Variants in ACOT1 observed in about 807,000 individuals in gnomAD.
ACOT1 encodes acyl-CoA thioesterase 1, also known as acyl-coenzyme A thioesterase 1.
In ACOT1, 8 loss-of-function variants were observed where a neutral mutation model predicts 15.7. The observed-to-expected ratio is 0.51, with a 90% confidence interval of 0.30 to 0.92. The LOEUF (loss-of-function observed/expected upper bound fraction) is 0.92. Ranked by LOEUF, ACOT1 falls within the 40% of genes least tolerant of loss-of-function variation. The probability of loss-of-function intolerance (pLI) is 0.06; values close to 1 mark genes in which losing one functional copy is unlikely to be tolerated. For missense variants in ACOT1, 151 were observed against 539.4 expected (o/e 0.28, Z 7.13); for synonymous variants, 67 against 241.2 (o/e 0.28, Z 6.69).
At chr14:73,495,736 T>G in the ACOT1 span, among the ~76,000 whole-genome samples, 6 of 152,278 alleles carry the variant, frequency 3.9e-5, no homozygotes, top group African/African-American at 7.2e-5. Flanking sequence ...ATGAACCTGC[T>G]AAGAATTGCT....
chr14:73,521,652 AT>A, the ACOT1 span, among the ~76,000 whole-genome samples: 5 of 152,210 alleles, frequency 3.3e-5, no homozygotes, highest in Admixed American at 6.5e-5. Context: ...CTAGCTATAA[AT>A]GAGATAGAAG....
chr14:73,522,744 T>C, the ACOT1 span: 1 of 1,614,208 alleles, frequency 6.2e-7, no homozygotes, highest in Non-Finnish European at 8.5e-7. Context: ...CTTTCTGTCT[T>C]CACAGCCAGG....
intron 1 of ACOT1, 91 bp downstream of exon 1, chr14:73,537,969 C>G (rs1443611079): frequency 9.9e-7 from 1 of 1,005,778 alleles, no homozygotes; most frequent in Admixed American, 4.9e-5. Flanking sequence ...CGCCCCGCCC[C>G]GCTCTTTTCG....
chr14:73,491,038 T>C, the ACOT1 span: 7 of 1,583,664 alleles, frequency 4.4e-6, no homozygotes, highest in Non-Finnish European at 6.0e-6. Flanking sequence ...TCCAGGCCAG[T>C]GCAGGGCCGT....
the ACOT1 span, among the ~76,000 whole-genome samples, chr14:73,531,760 C>A: frequency 8.8e-6 from 1 of 113,242 alleles, no homozygotes; most frequent in East Asian, 7.2e-4. Flanking sequence ...ATGGCTGACA[C>A]CTGTAATCCC....
At chr14:73,507,970 TC>T in the ACOT1 span, among the ~76,000 whole-genome samples, 2 of 152,330 alleles carry the variant, frequency 1.3e-5, no homozygotes, top group African/African-American at 4.8e-5. Context: ...GGTCTCGAAC[TC>T]CTGACCTCAA....
chr14:73,509,564 C>T, the ACOT1 span: 4 of 1,306,544 alleles, frequency 3.1e-6, no homozygotes, highest in South Asian at 5.0e-5. Flanking sequence ...TGGCCAACCT[C>T]AGTCCCAGCT....
At chr14:73,493,239 C>A in the ACOT1 span, 1 of 799,272 alleles carries the variant, frequency 1.3e-6, no homozygotes, top group Non-Finnish European at 2.1e-6. Flanking sequence ...GTAACACTGA[C>A]CATGTCGTTC....
At chr14:73,497,457 C>A in the ACOT1 span, among the ~76,000 whole-genome samples, 2 of 152,196 alleles carry the variant, frequency 1.3e-5, no homozygotes, top group African/African-American at 4.8e-5. Flanking sequence ...CTATCACCTG[C>A]ATTTGATACA....
chr14:73,535,016 G>A (rs1391297347), upstream of ACOT1, among the ~76,000 whole-genome samples: 4 of 113,342 alleles, frequency 3.5e-5, 2 homozygotes, highest in Non-Finnish European at 7.6e-5. Flanking sequence ...TATTTATACT[G>A]TTCTCTAACC....
chr14:73,494,608 T>G, the ACOT1 span, among the ~76,000 whole-genome samples: 129 of 152,274 alleles, frequency 8.5e-4, no homozygotes, highest in South Asian at 2.9e-3. Context: ...TGGGGTACAG[T>G]GGTGAGATAT....
the ACOT1 span, among the ~76,000 whole-genome samples, chr14:73,530,794 ATTTTTTTTT>A: frequency 3.5e-5 from 2 of 57,770 alleles, no homozygotes; most frequent in African/African-American, 6.7e-5. Flanking sequence ...TCTCGGTTAA[ATTTTTTTTT>A]TTTTTTTTTT....
chr14:73,499,207 G>A, the ACOT1 span: 1 of 1,362,994 alleles, frequency 7.3e-7, no homozygotes, highest in South Asian at 1.2e-5. Context: ...ACAGCTGGGT[G>A]CGGTGGTGCA....
the ACOT1 span, among the ~76,000 whole-genome samples, chr14:73,518,220 A>C: frequency 6.6e-6 from 1 of 152,260 alleles, no homozygotes; most frequent in East Asian, 1.9e-4. Context: ...TGCCAAGTGG[A>C]TGCAAAGGCA....
the ACOT1 span, chr14:73,514,024 C>T: frequency 6.2e-7 from 1 of 1,613,846 alleles, no homozygotes; most frequent in South Asian, 1.1e-5. Flanking sequence ...GACCTCCCTT[C>T]ACTCACTCAG....
chr14:73,499,335 G>C, the ACOT1 span, among the ~76,000 whole-genome samples: 1 of 152,116 alleles, frequency 6.6e-6, no homozygotes, highest in Non-Finnish European at 1.5e-5. Flanking sequence ...ACAAAAATTA[G>C]CCGGGCATGG....
the ACOT1 span, chr14:73,492,449 A>G: frequency 1.9e-6 from 3 of 1,613,736 alleles, no homozygotes; most frequent in Non-Finnish European, 1.7e-6. This position sits in a 1 kb window ranked among gnomAD's most constrained non-coding sequence, Gnocchi z 4.9. Flanking sequence ...AACCGCTTTC[A>G]TGGAGAAGGT....
chr14:73,504,932 T>C, the ACOT1 span, among the ~76,000 whole-genome samples: 2 of 152,058 alleles, frequency 1.3e-5, no homozygotes, highest in South Asian at 4.2e-4. Context: ...TCACCGACAG[T>C]TGGTTTGTTT....
At position 73,543,651 on chromosome 14, in the gene ACOT1, T is replaced by G. The variant is rs1889181325; in HGVS notation, c.1262T>G (p.Val421Gly). 1 of 759,056 alleles carries G rather than the reference T, an allele frequency of 1.3e-6. No homozygotes were observed. Among genetic ancestry groups the G allele is most frequent in the Non-Finnish European group, 1.9e-6 (1 of 536,276 alleles). The allele number at this position is 759,056 out of a possible 1,614,324, so 47.0% of individuals were successfully genotyped here. The part of the protein sequence containing the change: ...GGHEGTIPSK[V>G] ...CACGAGGGGACAATCCCATCAAAAG[T>G]GTAAATTTTATTTGATCATGTGGCC... is the stretch of plus-strand genomic sequence containing the variant. The change falls in exon 3 of 3, where the codon GTG becomes GGG. Residue 421 changes from valine (V) to glycine (G), a missense_variant. Val to Gly is a moderately radical substitution (Grantham distance 109). Coordinates refer to ENST00000311148, the MANE Select transcript of ACOT1 (RefSeq NM_001037161.2).
Sources: gnomAD v4.1 joint callset for allele counts (sites outside exome capture counted in the v4.1 genomes callset) on GRCh38, gnomAD v4.1.1 for gene constraint, Gnocchi (gnomAD v3.1) non-coding constraint, MANE v1.5 for transcripts, NCBI Gene and HGNC (gene_info 2026-07-23, HGNC 2026-07-21) for gene names.